The following MPZL1 variants were observed in gnomAD, a reference collection of about 807,000 sequenced individuals.
MPZL1 encodes the protein myelin protein zero like 1, also known as myelin protein zero-like protein 1.
MPZL1 carries 16 observed loss-of-function variants against 29.3 expected under a neutral mutation model. The observed-to-expected ratio is 0.55, with a 90% CI of 0.37 to 0.83. The LOEUF (loss-of-function observed/expected upper bound fraction) is 0.83, where lower values mean the gene tolerates loss of function less well. Ranked by LOEUF, MPZL1 falls within the 40% of genes least tolerant of loss-of-function variation. The probability of loss-of-function intolerance (pLI) is 0.00; values close to 1 mark genes in which losing one functional copy is unlikely to be tolerated. For synonymous variants in MPZL1, 143 were observed against 132.0 expected, an observed-to-expected ratio of 1.08 and a Z score of -0.57; for missense variants, 279 against 332.9, an observed-to-expected ratio of 0.84 and a Z score of 1.26.
Position 167,788,076 on chromosome 1 carries a change from T to C in MPZL1, c.*155T>C, listed in dbSNP as rs557934033. Reference sequence around the variant, plus strand: ...GAGAGAAAGATGTGTACAAAGGATATGTATAAATATTCTATTTAGTCATCC... The same window carrying C: ...GAGAGAAAGATGTGTACAAAGGATACGTATAAATATTCTATTTAGTCATCC... On this transcript the variant is annotated 3_prime_UTR_variant, in exon 6 of 6. Transcript: ENST00000359523. The C allele has an allele frequency of 5.2e-6, 3 of 579,602 alleles. No homozygotes were observed. The African/African-American group carries it at 5.6e-5, about 11-fold the overall frequency. 35.9% of individuals were successfully genotyped at this position (579,602 alleles called of 1,614,324 possible).
intron 5 of MPZL1, among the ~76,000 whole-genome samples, chr1:167,782,053 A>G (rs528986875): frequency 6.6e-5 from 10 of 152,122 alleles, no homozygotes; most frequent in African/African-American, 2.4e-4. Flanking sequence ...TCTCTTGCAG[A>G]TCTTTCATTG....
chr1:167,734,065 G>A (rs1484109946), intron 1 of MPZL1, among the ~76,000 whole-genome samples: 1 of 152,028 alleles, frequency 6.6e-6, no homozygotes, highest in African/African-American at 2.4e-5. Flanking sequence ...GACCATCCTG[G>A]CTTACATGGT....
At chr1:167,751,617 G>A (rs1018080491) in intron 1 of MPZL1, among the ~76,000 whole-genome samples, 1 of 150,326 alleles carries the variant, frequency 6.7e-6, no homozygotes, top group Non-Finnish European at 1.5e-5. Flanking sequence ...GTTGCAGTGA[G>A]CCGAGATGGC....
At chr1:167,742,394 A>G (rs1660549896) in intron 1 of MPZL1, among the ~76,000 whole-genome samples, 1 of 152,136 alleles carries the variant, frequency 6.6e-6, no homozygotes, top group Non-Finnish European at 1.5e-5. Flanking sequence ...TCGCCTAACT[A>G]TATTATGGGC....
intron 1 of MPZL1, among the ~76,000 whole-genome samples, chr1:167,762,882 G>A (rs1661018543): frequency 6.6e-6 from 1 of 152,160 alleles, no homozygotes; most frequent in Non-Finnish European, 1.5e-5. Context: ...AGGGATGGGA[G>A]GAAGTTAATT....
At chr1:167,771,924 G>A (rs1484690871) in intron 2 of MPZL1, among the ~76,000 whole-genome samples, 2 of 152,170 alleles carry the variant, frequency 1.3e-5, no homozygotes, top group African/African-American at 4.8e-5. Flanking sequence ...AGGAGCTGGA[G>A]GCCAGCCCGG....
chr1:167,789,202 A>G lies in MPZL1; in HGVS notation c.*1281A>G, dbSNP rs1283621605. ...CTACTCCCCACCGCACTTAAAATCT[A>G]TGAGTTTTTACTTTTTACTGGGAAT... On this transcript the variant is annotated 3_prime_UTR_variant, in exon 6 of 6. Transcript: ENST00000359523. 3.3e-5 allele frequency: 5 copies of G among 152,120 alleles called. No homozygotes were observed. The highest frequency in any genetic ancestry group is 2.4e-5 in the African/African-American group (1 of 41,404). The allele number at this position is 152,120 out of a possible 1,614,324, so 9.4% of individuals were successfully genotyped here. A position where few individuals can be genotyped will look rare whatever the true frequency, so the allele number is the denominator to read the frequency against.
Position 167,731,505 on chromosome 1 carries a change from C to T in MPZL1, c.91+9263C>T, listed in dbSNP as rs543565737. Among the ~76,000 whole-genome samples the T allele has an allele frequency of 7.7e-3, 1,139 of 147,370 alleles. 10 individuals are homozygous for T. The highest frequency in any genetic ancestry group is 0.021 in the Middle Eastern group (6 of 280). ...AGGCTGGAGTGCAGTGGCGCGATCT[C>T]GGCTCACTGCAAGCTTTGCTTCCCA... On this transcript the variant is annotated intron_variant, in intron 1 of 5. Coordinates refer to ENST00000359523, the MANE Select transcript of MPZL1 (RefSeq NM_003953.6).
chr1:167,728,047 T>C (rs1448221499), intron 1 of MPZL1, among the ~76,000 whole-genome samples: 2 of 136,900 alleles, frequency 1.5e-5, no homozygotes, highest in Non-Finnish European at 3.3e-5. Flanking sequence ...TTTTTTTTTT[T>C]TTTTTTTCTG....
rs10800323 is a variant in MPZL1 at position 167,791,570 on chromosome 1, A to G, written c.*3649A>G. ...GTTTGAAAGATTATATGGCTTACCCAGGGCCACTTAGCTAATAAAGGAACA... is the reference window on the plus strand; with the variant it reads ...GTTTGAAAGATTATATGGCTTACCCGGGGCCACTTAGCTAATAAAGGAACA... On this transcript the variant is annotated 3_prime_UTR_variant, in exon 6 of 6. Transcript: ENST00000359523. The G allele has an allele frequency of 0.7, 106,144 of 152,216 alleles. 37,216 individuals carry two copies. Among genetic ancestry groups the G allele is most frequent in the African/African-American group, 0.76 (31,382 of 41,520 alleles). The allele number at this position is 152,216 out of a possible 1,614,324, so 9.4% of individuals were successfully genotyped here. A position where few individuals can be genotyped will look rare whatever the true frequency, so the allele number is the denominator to read the frequency against.
chr1:167,732,265 C>T (rs529853633), intron 1 of MPZL1, among the ~76,000 whole-genome samples: 10 of 152,246 alleles, frequency 6.6e-5, no homozygotes, highest in Middle Eastern at 3.4e-3. Context: ...GTACTAAGAA[C>T]TACAAAATAT....
At chr1:167,737,064 T>A (rs1373006486) in intron 1 of MPZL1, among the ~76,000 whole-genome samples, 1 of 152,242 alleles carries the variant, frequency 6.6e-6, no homozygotes, top group Non-Finnish European at 1.5e-5. Context: ...TCATCTCAGA[T>A]GTAATCTCAA....
chr1:167,739,282 C>CACATATATATATATATACACAT (rs1553254286), intron 1 of MPZL1, among the ~76,000 whole-genome samples: 1 of 90,442 alleles, frequency 1.1e-5, no homozygotes, highest in African/African-American at 6.3e-5. Flanking sequence ...TACATATATA[C>CACATATATATATATATACACAT]ATATATATAT....
At chr1:167,765,899 A>G in intron 2 of MPZL1, 150 bp downstream of exon 2, 2 of 639,378 alleles carry the variant, frequency 3.1e-6, no homozygotes, top group Non-Finnish European at 4.8e-6. Flanking sequence ...TTGCTTCAGG[A>G]TAAAATAAGT....
intron 2 of MPZL1, among the ~76,000 whole-genome samples, chr1:167,771,920 TGGA>T (rs1356491144): frequency 6.6e-6 from 1 of 152,128 alleles, no homozygotes; most frequent in Non-Finnish European, 1.5e-5. Context: ...GGTCAGGAGC[TGGA>T]GGCCAGCCCG....
chr1:167,724,343 C>G (rs954031957), intron 1 of MPZL1, among the ~76,000 whole-genome samples: 1 of 152,220 alleles, frequency 6.6e-6, no homozygotes, highest in Non-Finnish European at 1.5e-5. Context: ...AGGGCCTTGT[C>G]TGCCACACTT....
chr1:167,723,581 C>T (rs1421723829), intron 1 of MPZL1, among the ~76,000 whole-genome samples: 8 of 152,180 alleles, frequency 5.3e-5, no homozygotes, highest in Admixed American at 5.2e-4. Flanking sequence ...AAATATGCTT[C>T]AGACAGAATT....
intron 1 of MPZL1, among the ~76,000 whole-genome samples, chr1:167,733,019 G>A (rs574057512): frequency 2.6e-5 from 4 of 152,208 alleles, no homozygotes; most frequent in South Asian, 4.1e-4. Flanking sequence ...ACTGGCACAC[G>A]TTTGGGAATT....
chr1:167,728,420 C>T (rs188550264), intron 1 of MPZL1, among the ~76,000 whole-genome samples: 1 of 137,676 alleles, frequency 7.3e-6, no homozygotes, highest in Non-Finnish European at 1.5e-5. Context: ...ATTGGCCAGG[C>T]TGGTCTCGAA....
Sources: allele counts gnomAD v4.1 joint callset (sites outside exome capture counted in the v4.1 genomes callset), GRCh38; gene constraint gnomAD v4.1.1; transcripts MANE v1.5; gene names NCBI Gene and HGNC (gene_info 2026-07-23, HGNC 2026-07-21).